Variants in DRD2 observed in about 807,000 individuals in gnomAD.
The protein encoded by DRD2 is dopamine receptor D2.
A neutral mutation model predicts 38.0 loss-of-function variants in DRD2; 8 were observed. The ratio of observed to expected loss-of-function variants is 0.21; its 90% CI spans 0.12 to 0.38. DRD2 has a LOEUF of 0.38. DRD2 is among the 10% of genes least tolerant of loss of function. DRD2 has a pLI of 1.00. For missense variants in DRD2, 403 were observed against 607.7 expected (o/e 0.66, Z 3.54); for synonymous variants, 230 against 238.6 (o/e 0.96, Z 0.33).
At chr11:113,417,733 T>A (rs1473172512) in intron 3 of DRD2, among the ~76,000 whole-genome samples, 1 of 152,238 alleles carries the variant, frequency 6.6e-6, no homozygotes, top group Non-Finnish European at 1.5e-5. Flanking sequence ...ATGAGTAAGA[T>A]GTGCTAGAGC....
chr11:113,424,225 A>G, intron 2 of DRD2, 142 bp downstream of exon 2: 1 of 826,668 alleles, frequency 1.2e-6, no homozygotes, highest in South Asian at 1.7e-5. Flanking sequence ...AAGGAGAAAA[A>G]GTAAGCCCAG....
chr11:113,453,521 A>T (rs576866190), intron 1 of DRD2, among the ~76,000 whole-genome samples: 28 of 152,328 alleles, frequency 1.8e-4, no homozygotes, highest in Middle Eastern at 3.4e-3. Context: ...TCTGTCTTGG[A>T]TTTGTTAGTT....
chr11:113,473,986 G>A (rs1456174266), intron 1 of DRD2, among the ~76,000 whole-genome samples: 1 of 152,164 alleles, frequency 6.6e-6, no homozygotes, highest in African/African-American at 2.4e-5. Context: ...ATACAGAAAG[G>A]CTTGGATCTG....
chr11:113,421,090 C>T (rs1008628047), intron 2 of DRD2, among the ~76,000 whole-genome samples: 1 of 152,146 alleles, frequency 6.6e-6, no homozygotes, highest in Non-Finnish European at 1.5e-5. Context: ...AATGACATAA[C>T]CACCTCTCCT....
chr11:113,414,457 T>C lies in DRD2; in HGVS notation c.728A>G (p.Asn243Ser). The change falls in exon 6 of 8, where the codon AAC (asparagine) becomes AGC (serine). Residue 243 changes from asparagine to serine, a missense_variant. Around this residue, in one of 4 missense-constraint regions of DRD2, gnomAD observed 166 missense variants for 178.6 expected, o/e 0.93. Coordinates refer to ENST00000362072, the MANE Select transcript of DRD2 (RefSeq NM_000795.4). ...RAHLRAPLKG[N>S]CTHPEDMKLC... ...TTTCATGTCCTCGGGGTGAGTACAGTTGCCCTGTGGAGTGAGCCAGCACAT... is the reference window on the plus strand; with the variant it reads ...TTTCATGTCCTCGGGGTGAGTACAGCTGCCCTGTGGAGTGAGCCAGCACAT... The C allele has an allele frequency of 6.2e-7, 1 of 1,614,146 alleles. No individual in the cohort carries two copies. The highest frequency in any genetic ancestry group is 1.3e-5 in the African/African-American group (1 of 75,018).
At chr11:113,459,835 C>T (rs1011178359) in intron 1 of DRD2, among the ~76,000 whole-genome samples, 11 of 152,124 alleles carry the variant, frequency 7.2e-5, no homozygotes, top group African/African-American at 2.4e-4. Context: ...GACAGATATC[C>T]CAGTTTCCCT....
chr11:113,419,362 T>C (rs1392712525), intron 2 of DRD2, among the ~76,000 whole-genome samples: 1 of 152,084 alleles, frequency 6.6e-6, no homozygotes, highest in South Asian at 2.1e-4. Context: ...GGGGTTGCTG[T>C]GATGAGCTGT....
At chr11:113,452,238 A>C (rs1951216232) in intron 1 of DRD2, among the ~76,000 whole-genome samples, 1 of 152,172 alleles carries the variant, frequency 6.6e-6, no homozygotes, top group African/African-American at 2.4e-5. Flanking sequence ...GAGTCAGATA[A>C]AAGCCAGGAG....
intron 1 of DRD2, among the ~76,000 whole-genome samples, chr11:113,452,869 C>A (rs1356886366): frequency 2.0e-5 from 3 of 151,886 alleles, no homozygotes; most frequent in Non-Finnish European, 4.4e-5. Flanking sequence ...CCAGGCTGGT[C>A]TCAAACTCCT....
At chr11:113,445,099 A>T (rs765497861) in intron 1 of DRD2, among the ~76,000 whole-genome samples, 10 of 152,200 alleles carry the variant, frequency 6.6e-5, no homozygotes, top group Non-Finnish European at 1.0e-4. Flanking sequence ...TTCTGAAAAC[A>T]CCTGACCAGC....
At chr11:113,413,704 T>C (rs1237171958) in intron 6 of DRD2, among the ~76,000 whole-genome samples, 1 of 152,228 alleles carries the variant, frequency 6.6e-6, no homozygotes, top group East Asian at 1.9e-4. Flanking sequence ...CTCTGTGGGT[T>C]CTCTGGCCCT....
chr11:113,419,069 A>G (rs1203627704), intron 2 of DRD2, among the ~76,000 whole-genome samples: 1 of 152,202 alleles, frequency 6.6e-6, no homozygotes, highest in Non-Finnish European at 1.5e-5. Flanking sequence ...CCAATGAGGA[A>G]ACCAAGCCTC....
chr11:113,425,834 T>C (rs1305572976), intron 1 of DRD2, among the ~76,000 whole-genome samples: 5 of 152,014 alleles, frequency 3.3e-5, no homozygotes, highest in Non-Finnish European at 1.5e-5. Context: ...CAATATGACA[T>C]GGTATCAAAT....
chr11:113,467,878 C>T (rs1951385472), intron 1 of DRD2, among the ~76,000 whole-genome samples: 1 of 152,150 alleles, frequency 6.6e-6, no homozygotes, highest in Non-Finnish European at 1.5e-5. Context: ...CAGGTGAAAG[C>T]CAAAGAATTT....
Position 113,410,314 on chromosome 11 carries a change from C to G in DRD2, c.*413G>C. 2.7e-6 allele frequency: 1 copy of G among 376,782 alleles called. No homozygotes were observed. Among genetic ancestry groups the G allele is most frequent in the South Asian group, 2.9e-5 (1 of 34,854 alleles). The allele number at this position is 376,782 out of a possible 1,614,324, so 23.3% of individuals were successfully genotyped here. A position where few individuals can be genotyped will look rare whatever the true frequency, so the allele number is the denominator to read the frequency against. On this transcript the variant is annotated 3_prime_UTR_variant, in exon 8 of 8. Transcript: ENST00000362072. Reference sequence around the variant, plus strand: ...GCCTTGCAGGGTGTGAACTGTCCATCTCTCCCCACCGCCTGCTCCACGCCA... The same window carrying G: ...GCCTTGCAGGGTGTGAACTGTCCATGTCTCCCCACCGCCTGCTCCACGCCA...
intron 1 of DRD2, among the ~76,000 whole-genome samples, chr11:113,445,587 C>T (rs1000210894): frequency 1.3e-5 from 2 of 152,230 alleles, no homozygotes; most frequent in African/African-American, 4.8e-5. Context: ...TCTTCTCCTT[C>T]ACCCTTGGAT....
At chr11:113,445,271 A>T (rs184271284) in intron 1 of DRD2, among the ~76,000 whole-genome samples, 31 of 152,262 alleles carry the variant, frequency 2.0e-4, no homozygotes, top group Admixed American at 1.6e-3. Context: ...TGCAAATAAA[A>T]TCTGTCATTT....
At chr11:113,472,854 A>G (rs1951443407) in intron 1 of DRD2, among the ~76,000 whole-genome samples, 1 of 152,200 alleles carries the variant, frequency 6.6e-6, no homozygotes, top group Non-Finnish European at 1.5e-5. Flanking sequence ...GTCAACCTGA[A>G]GCCATATTGG....
intron 1 of DRD2, among the ~76,000 whole-genome samples, chr11:113,434,112 C>T (rs1411574863): frequency 6.6e-6 from 1 of 152,202 alleles, no homozygotes; most frequent in East Asian, 1.9e-4. Context: ...CACTCCAGCT[C>T]AGAGCCCGTC....
Sources: gnomAD v4.1 joint callset for allele counts (sites outside exome capture counted in the v4.1 genomes callset) on GRCh38, gnomAD v4.1.1 for gene constraint, gnomAD v4.1.1 regional missense constraint, MANE v1.5 for transcripts, NCBI Gene and HGNC (gene_info 2026-07-23, HGNC 2026-07-21) for gene names.